Variants in TNC observed in about 807,000 individuals in gnomAD.
The protein encoded by TNC is tenascin C.
A neutral mutation model predicts 202.4 loss-of-function variants in TNC; 109 were observed. The observed-to-expected ratio is 0.54, with a 90% CI of 0.46 to 0.63. TNC has a LOEUF of 0.63. TNC is among the 30% of genes least tolerant of loss of function. TNC has a pLI of 0.00. For synonymous variants in TNC, 1,007 were observed against 1,089.7 expected, an observed-to-expected ratio of 0.92 and a Z score of 1.50; for missense variants, 2,756 against 2,833.3, an observed-to-expected ratio of 0.97 and a Z score of 0.62.
intron 3 of TNC, among the ~76,000 whole-genome samples, chr9:115,085,510 T>G (rs1267127729): frequency 6.6e-6 from 1 of 152,186 alleles, no homozygotes; most frequent in Non-Finnish European, 1.5e-5. Context: ...TATCCCTTTA[T>G]CTACCTCATC....
At chr9:115,045,700 C>A (rs368554200) in intron 17 of TNC, among the ~76,000 whole-genome samples, 1 of 151,762 alleles carries the variant, frequency 6.6e-6, no homozygotes, top group East Asian at 1.9e-4. Context: ...ATATTATTAA[C>A]CATCTTTTTT....
At chr9:115,044,707 G>C (rs112058639) in intron 17 of TNC, among the ~76,000 whole-genome samples, 1 of 152,130 alleles carries the variant, frequency 6.6e-6, no homozygotes, top group African/African-American at 2.4e-5. Flanking sequence ...ATCTGGAGTC[G>C]TTTTATGGGC....
At chr9:115,024,662 T>A (rs1271093083) in intron 26 of TNC, among the ~76,000 whole-genome samples, 1 of 152,220 alleles carries the variant, frequency 6.6e-6, no homozygotes, top group Non-Finnish European at 1.5e-5. Context: ...TTCTCCCACA[T>A]ACAAATATTT....
intron 1 of TNC, among the ~76,000 whole-genome samples, chr9:115,096,054 A>T (rs1835766298): frequency 1.3e-5 from 2 of 152,144 alleles, no homozygotes; most frequent in African/African-American, 4.8e-5. Flanking sequence ...AACAAGACAC[A>T]CTTGTGTCAG....
At chr9:115,081,961 G>T in intron 5 of TNC, 33 bp from the exon 6 acceptor site, 1 of 1,557,962 alleles carries the variant, frequency 6.4e-7, no homozygotes, top group South Asian at 1.2e-5. Flanking sequence ...TAAGAGTTAG[G>T]GGAGGTGCCA....
At chr9:115,113,924 G>A (rs1428192940) in intron 1 of TNC, among the ~76,000 whole-genome samples, 1 of 152,152 alleles carries the variant, frequency 6.6e-6, no homozygotes, top group African/African-American at 2.4e-5. Flanking sequence ...GAGACAAGGT[G>A]GAGGGAAAGG....
chr9:115,072,798 T>C (rs1488261328), intron 10 of TNC, among the ~76,000 whole-genome samples: 1 of 152,222 alleles, frequency 6.6e-6, no homozygotes, highest in African/African-American at 2.4e-5. Flanking sequence ...GACTATTACT[T>C]GCCAAACCCT....
chr9:115,052,513 G>A (rs747711497), intron 15 of TNC, among the ~76,000 whole-genome samples: 88 of 130,358 alleles, frequency 6.8e-4, no homozygotes, highest in Non-Finnish European at 1.3e-3. Flanking sequence ...AAATAAATAA[G>A]GTGAGGTGAT....
intron 6 of TNC, among the ~76,000 whole-genome samples, chr9:115,079,917 G>A (rs528242560): frequency 6.6e-6 from 1 of 152,264 alleles, no homozygotes; most frequent in African/African-American, 2.4e-5. Flanking sequence ...GAAGTTTAAG[G>A]CCCTTTACAT....
At chr9:115,041,171 A>G (rs1337218876) in intron 18 of TNC, 87 bp from the exon 19 acceptor site, 2 of 1,433,078 alleles carry the variant, frequency 1.4e-6, no homozygotes, top group East Asian at 2.4e-5. Flanking sequence ...TATCTGATTT[A>G]GAAATGAAAC....
At chr9:115,046,033 T>C (rs769025657) in intron 17 of TNC, among the ~76,000 whole-genome samples, 11 of 151,648 alleles carry the variant, frequency 7.3e-5, no homozygotes, top group South Asian at 4.1e-4. Flanking sequence ...AGATGAGATA[T>C]GATGAGATAA....
At chr9:115,032,120 G>A (rs923431440) in intron 22 of TNC, among the ~76,000 whole-genome samples, 1 of 152,010 alleles carries the variant, frequency 6.6e-6, no homozygotes, top group Admixed American at 6.6e-5. Flanking sequence ...TCTGTGAAGG[G>A]GGTTTTTTTT....
Position 115,040,964 on chromosome 9 carries a change from G to T in TNC, c.5369C>A (p.Pro1790His). 1 of 1,613,888 alleles carries T rather than the reference G, an allele frequency of 6.2e-7. No individual in the cohort carries two copies. The highest frequency in any genetic ancestry group is 8.5e-7 in the Non-Finnish European group (1 of 1,179,934). ...IAMKGFEESE[P>H]VSGSFTTALD... ...ACCTGTGGTGAATGACCCTGAGACA[G>T]GTTCACTTTCCTCAAAGCCCTTCAT... Residue 1790 changes from proline to histidine, a missense_variant, in exon 19 of 28, where the codon CCT becomes CAT. Coordinates refer to ENST00000350763, the MANE Select transcript of TNC (RefSeq NM_002160.4).
At chr9:115,109,935 G>T (rs983757425) in intron 1 of TNC, among the ~76,000 whole-genome samples, 1 of 152,194 alleles carries the variant, frequency 6.6e-6, no homozygotes, top group African/African-American at 2.4e-5. Flanking sequence ...AATTGCTAAA[G>T]ATTAACTTTA....
chr9:115,061,625 G>C (rs952668240), intron 13 of TNC, among the ~76,000 whole-genome samples: 5 of 152,146 alleles, frequency 3.3e-5, no homozygotes, highest in African/African-American at 1.2e-4. Flanking sequence ...AAGTTTATCT[G>C]TTATATAAGA....
At chr9:115,029,286 C>A in intron 25 of TNC, 74 bp downstream of exon 25, 2 of 1,304,606 alleles carry the variant, frequency 1.5e-6, no homozygotes, top group Non-Finnish European at 1.1e-6. Context: ...TCCCATAGGT[C>A]CCTGTGGGTT....
chr9:115,073,591 G>T lies in TNC; in HGVS notation c.3214+12C>A, dbSNP rs1383053080. ...CAACCTAGAGTTTGGAGGAAGCTCAGGGCAGACTCACCAGTGGATGCCTTC... is the reference window on the plus strand; with the variant it reads ...CAACCTAGAGTTTGGAGGAAGCTCATGGCAGACTCACCAGTGGATGCCTTC... On this transcript the variant is annotated intron_variant, in intron 10 of 27. Coordinates refer to ENST00000350763, the MANE Select transcript of TNC (RefSeq NM_002160.4). 12 of 1,609,558 alleles carry T rather than the reference G, an allele frequency of 7.5e-6. No individual in the cohort carries two copies. Among genetic ancestry groups the T allele is most frequent in the Non-Finnish European group, 1.0e-5 (12 of 1,176,486 alleles).
chr9:115,105,569 C>T (rs141247478), intron 1 of TNC, among the ~76,000 whole-genome samples: 3 of 152,196 alleles, frequency 2.0e-5, no homozygotes, highest in Admixed American at 2.0e-4. Flanking sequence ...TAACTAAGGT[C>T]GGGGTCCAGA....
At chr9:115,094,815 CTCTGTGTGTGTG>C (rs1172413933) in intron 1 of TNC, among the ~76,000 whole-genome samples, 1,317 of 125,282 alleles carry the variant, frequency 0.011, 38 homozygotes, top group African/African-American at 0.036. Flanking sequence ...GAACAAGTGC[CTCTGTGTGTGTG>C]TGTGTGTGTG....
Sources: gnomAD v4.1 joint callset for allele counts (sites outside exome capture counted in the v4.1 genomes callset) on GRCh38, gnomAD v4.1.1 for gene constraint, MANE v1.5 for transcripts, NCBI Gene and HGNC (gene_info 2026-07-23, HGNC 2026-07-21) for gene names.